The following CNTNAP2 variants were observed in gnomAD, a reference collection of about 807,000 sequenced individuals.
CNTNAP2 encodes the protein contactin associated protein 2.
In CNTNAP2, 98 loss-of-function variants were observed where a neutral mutation model predicts 155.2. That is an observed-to-expected ratio of 0.63 (90% confidence interval 0.54 to 0.75). The LOEUF (loss-of-function observed/expected upper bound fraction) is 0.75. Among genes scored for constraint, CNTNAP2 ranks in the 30% least tolerant of loss-of-function variants. The probability of loss-of-function intolerance (pLI) is 0.00; values close to 1 mark genes in which losing one functional copy is unlikely to be tolerated. For missense variants in CNTNAP2, 1,727 were observed against 1,688.1 expected (o/e 1.02, Z -0.40); for synonymous variants, 651 against 631.2 (o/e 1.03, Z -0.47).
chr7:148,339,859 G>A (rs945944493), intron 21 of CNTNAP2, among the ~76,000 whole-genome samples: 4 of 152,122 alleles, frequency 2.6e-5, no homozygotes, highest in African/African-American at 7.2e-5. Context: ...TCTTTGGGGA[G>A]TAAATCACAG....
chr7:146,272,127 A>G (rs1397602294), intron 1 of CNTNAP2, among the ~76,000 whole-genome samples: 2 of 152,228 alleles, frequency 1.3e-5, no homozygotes, highest in Non-Finnish European at 2.9e-5. Context: ...CTCACAGTTC[A>G]GAATGGCTGG....
intron 5 of CNTNAP2, among the ~76,000 whole-genome samples, chr7:147,114,531 T>C (rs938004887): frequency 3.9e-5 from 6 of 152,260 alleles, no homozygotes; most frequent in Non-Finnish European, 7.3e-5. Flanking sequence ...TAGTTAACTC[T>C]TCTTGTTGAA....
At chr7:147,555,307 G>A (rs747610018) in intron 11 of CNTNAP2, among the ~76,000 whole-genome samples, 14 of 152,016 alleles carry the variant, frequency 9.2e-5, no homozygotes, top group South Asian at 4.1e-4. Context: ...AAACTATATC[G>A]CCGCTATGCC....
At chr7:146,171,745 A>T (rs1798393941) in intron 1 of CNTNAP2, among the ~76,000 whole-genome samples, 1 of 152,126 alleles carries the variant, frequency 6.6e-6, no homozygotes, top group Non-Finnish European at 1.5e-5. Flanking sequence ...TAAAACATAT[A>T]TAATGTGTAA....
intron 20 of CNTNAP2, among the ~76,000 whole-genome samples, chr7:148,238,372 A>C (rs1796084238): frequency 6.6e-6 from 1 of 152,174 alleles, no homozygotes; most frequent in African/African-American, 2.4e-5. Context: ...CCCAATGATG[A>C]ATAAGGTCCC....
intron 20 of CNTNAP2, among the ~76,000 whole-genome samples, chr7:148,260,248 A>T (rs1796534456): frequency 6.6e-6 from 1 of 152,172 alleles, no homozygotes; most frequent in African/African-American, 2.4e-5. Flanking sequence ...CTCCTAATTG[A>T]GGTGACTGGG....
chr7:147,315,598 C>A (rs1298626406), intron 9 of CNTNAP2, among the ~76,000 whole-genome samples: 1 of 151,600 alleles, frequency 6.6e-6, no homozygotes. Flanking sequence ...TCTCCTGCCT[C>A]AGCCTCCTGA....
At chr7:146,182,212 G>C (rs1431226573) in intron 1 of CNTNAP2, among the ~76,000 whole-genome samples, 1 of 152,082 alleles carries the variant, frequency 6.6e-6, no homozygotes, top group Non-Finnish European at 1.5e-5. Flanking sequence ...ACTTGTGTGA[G>C]AAAAAGATTC....
rs923449173 is a variant in CNTNAP2 at position 147,691,247 on chromosome 7, A to G, written c.2098+51941A>G. On this transcript the variant is annotated intron_variant, in intron 13 of 23. Coordinates refer to ENST00000361727, the MANE Select transcript of CNTNAP2 (RefSeq NM_014141.6). The stretch of plus-strand genomic sequence containing the variant: ...GTACTATTCTATATGTAATGACTGT[A>G]GGCACAACACACTTTTAAGTTTCAT... 2.6e-5 allele frequency among the ~76,000 whole-genome samples: 4 copies of G among 152,280 alleles called. No individual in the cohort carries two copies. In the East Asian group the frequency reaches 7.7e-4, roughly 29 times the overall value.
chr7:147,244,510 C>T (rs544313412), intron 8 of CNTNAP2, among the ~76,000 whole-genome samples: 1 of 152,296 alleles, frequency 6.6e-6, no homozygotes, highest in South Asian at 2.1e-4. Context: ...CAGTCATCCA[C>T]CCATTCACTG....
At chr7:147,869,558 T>C (rs1310763232) in intron 13 of CNTNAP2, among the ~76,000 whole-genome samples, 1 of 152,050 alleles carries the variant, frequency 6.6e-6, no homozygotes, top group East Asian at 1.9e-4. Flanking sequence ...GGAAAACAAG[T>C]ACAAGAATAA....
intron 1 of CNTNAP2, among the ~76,000 whole-genome samples, chr7:146,764,187 T>A (rs921471596): frequency 2.0e-5 from 3 of 152,116 alleles, no homozygotes; most frequent in African/African-American, 7.2e-5. Flanking sequence ...AGTACTCAAG[T>A]TCATTTAGTC....
intron 1 of CNTNAP2, among the ~76,000 whole-genome samples, chr7:146,395,820 GATAGAGGAGAGA>G (rs1563068377): frequency 2.0e-4 from 27 of 137,440 alleles, no homozygotes; most frequent in African/African-American, 8.6e-4. Flanking sequence ...TAGATAGATA[GATAGAGGAGAGA>G]GAGAGAGAGA....
At chr7:146,811,750 A>G (rs1367022753) in intron 2 of CNTNAP2, among the ~76,000 whole-genome samples, 1 of 152,170 alleles carries the variant, frequency 6.6e-6, no homozygotes, top group African/African-American at 2.4e-5. Context: ...TGTGGGAGGA[A>G]GCCAGTGGGA....
At chr7:147,364,797 C>G (rs1046381599) in intron 9 of CNTNAP2, among the ~76,000 whole-genome samples, 4 of 151,058 alleles carry the variant, frequency 2.6e-5, no homozygotes, top group Admixed American at 1.3e-4. Context: ...TGCGGTGAGC[C>G]GAGATCGCGC....
At chr7:147,197,006 C>T (rs1325913485) in intron 8 of CNTNAP2, among the ~76,000 whole-genome samples, 2 of 152,084 alleles carry the variant, frequency 1.3e-5, no homozygotes, top group Non-Finnish European at 2.9e-5. Context: ...AAAGGAAAAC[C>T]CCAACTTTCC....
chr7:146,843,101 T>C (rs13230596), intron 3 of CNTNAP2, among the ~76,000 whole-genome samples: 2 of 103,478 alleles, frequency 1.9e-5, no homozygotes, highest in Non-Finnish European at 3.6e-5. Context: ...CAAGCTCCGC[T>C]TCCCAGGTTC....
chr7:148,073,770 G>GT (rs547182642), intron 15 of CNTNAP2, among the ~76,000 whole-genome samples: 2,770 of 146,928 alleles, frequency 0.019, 81 homozygotes, highest in African/African-American at 0.063. Flanking sequence ...TCTTTTATGT[G>GT]TTTTTTTTTT....
chr7:147,848,049 T>A (rs1316526810), intron 13 of CNTNAP2, among the ~76,000 whole-genome samples: 1 of 123,310 alleles, frequency 8.1e-6, no homozygotes, highest in Non-Finnish European at 1.7e-5. Context: ...GCTGTCTTTT[T>A]GTTTGTCTGT....
Sources: gnomAD v4.1 joint callset for allele counts (sites outside exome capture counted in the v4.1 genomes callset) on GRCh38, gnomAD v4.1.1 for gene constraint, MANE v1.5 for transcripts, NCBI Gene and HGNC (gene_info 2026-07-23, HGNC 2026-07-21) for gene names.